Variants in MLXIPL observed in about 807,000 individuals in gnomAD.
The protein encoded by MLXIPL is MLX interacting protein like.
A neutral mutation model predicts 81.5 loss-of-function variants in MLXIPL; 49 were observed. The observed-to-expected ratio is 0.60, with a 90% confidence interval of 0.48 to 0.76. The LOEUF (loss-of-function observed/expected upper bound fraction) is 0.76. Ranked by LOEUF, MLXIPL falls within the 30% of genes least tolerant of loss-of-function variation. The pLI is 0.00. For synonymous variants in MLXIPL, 466 were observed against 485.5 expected (o/e 0.96, Z 0.53); for missense variants, 1,053 against 1,167.0 (o/e 0.90, Z 1.42).
intron 1 of MLXIPL, among the ~76,000 whole-genome samples, chr7:73,620,238 T>C (rs555341120): frequency 9.3e-5 from 14 of 150,978 alleles, no homozygotes; most frequent in Non-Finnish European, 2.1e-4. Context: ...ACCCCGTCTC[T>C]ACTAAAAATA....
chr7:73,599,538 G>A lies in MLXIPL; in HGVS notation c.1059C>T (p.His353=). 1 of 1,613,072 alleles carries A rather than the reference G, an allele frequency of 6.2e-7. No individual in the cohort carries two copies. Among genetic ancestry groups the A allele is most frequent in the Non-Finnish European group, 8.5e-7 (1 of 1,179,770 alleles). ...GGGGTGAGCTCACCTGCAGACGGCTGTGTCCAGAGAGGTGGGTCATGGCCG... is the reference window on the plus strand; with the variant it reads ...GGGGTGAGCTCACCTGCAGACGGCTATGTCCAGAGAGGTGGGTCATGGCCG... The part of the protein sequence containing the change: ...ASSAMTHLSG[H]SRLQARNSCP... Residue 353 remains histidine (H), a synonymous_variant, in exon 8 of 17, where the codon CAC becomes CAT. Transcript: ENST00000313375.
At chr7:73,647,624 T>A in the MLXIPL span, among the ~76,000 whole-genome samples, 2 of 152,162 alleles carry the variant, frequency 1.3e-5, no homozygotes, top group Non-Finnish European at 2.9e-5. Context: ...GGAGGCCACA[T>A]AAGCCTATGA....
At chr7:73,641,828 G>T in the MLXIPL span, among the ~76,000 whole-genome samples, 8 of 152,070 alleles carry the variant, frequency 5.3e-5, no homozygotes, top group Admixed American at 4.6e-4. Flanking sequence ...TAGAGATGGG[G>T]TTTCACCATG....
chr7:73,632,748 TTCC>T, the MLXIPL span, among the ~76,000 whole-genome samples: 1 of 40,482 alleles, frequency 2.5e-5, no homozygotes, highest in African/African-American at 1.3e-4. Context: ...CCTTCTTTCC[TTCC>T]TTCCTTCCTT....
intron 16 of MLXIPL, 144 bp from the exon 17 acceptor site, chr7:73,594,127 G>A (rs545868654): frequency 2.5e-5 from 35 of 1,414,070 alleles, no homozygotes; most frequent in Non-Finnish European, 3.3e-5. Flanking sequence ...GGCGTCTGGT[G>A]GCCAGAGGAC....
At chr7:73,631,758 C>CCT in the MLXIPL span, among the ~76,000 whole-genome samples, 1 of 145,890 alleles carries the variant, frequency 6.9e-6, no homozygotes, top group East Asian at 2.2e-4. Context: ...TCCCCTTCTC[C>CCT]CTCTCTCCCT....
chr7:73,626,747 G>T (rs1796762237), upstream of MLXIPL, among the ~76,000 whole-genome samples: 1 of 152,190 alleles, frequency 6.6e-6, no homozygotes, highest in South Asian at 2.1e-4. Flanking sequence ...TTTCCCCCAA[G>T]GATGTCCCTA....
intron 1 of MLXIPL, among the ~76,000 whole-genome samples, chr7:73,622,395 A>G (rs1554602478): frequency 6.6e-6 from 1 of 151,944 alleles, no homozygotes; most frequent in Non-Finnish European, 1.5e-5. Flanking sequence ...AGGCTGAGGC[A>G]GGAGATTCTC....
intron 1 of MLXIPL, among the ~76,000 whole-genome samples, 197 bp downstream of exon 1, chr7:73,624,003 G>A (rs992968128): frequency 6.6e-6 from 1 of 152,048 alleles, no homozygotes; most frequent in African/African-American, 2.4e-5. Context: ...GTCCGTCAGG[G>A]GCCAGCGGGC....
chr7:73,605,599 G>C, intron 7 of MLXIPL, 89 bp downstream of exon 7: 1 of 1,167,156 alleles, frequency 8.6e-7, no homozygotes, highest in Non-Finnish European at 1.3e-6. Context: ...CAGACTATCA[G>C]CCCTCCCAGA....
Position 73,602,155 on chromosome 7 carries a change from C to CCTTCCTTCCTTCCTTCCTTT in MLXIPL, c.902-2461_902-2460insAAAGGAAGGAAGGAAGGAAG, listed in dbSNP as rs1584097230. Among the ~76,000 whole-genome samples, 4 of 148,532 alleles carry CCTTCCTTCCTTCCTTCCTTT rather than the reference C, an allele frequency of 2.7e-5. No homozygotes were observed. The East Asian group carries it at 8.0e-4, about 30-fold the overall frequency. ...GCCTTCCTTCCTTCCTTCCTTCCTT[C>CCTTCCTTCCTTCCTTCCTTT]CTTCCTTCCTTTCTTTCCCTCTCTC... is the stretch of plus-strand genomic sequence containing the variant. On this transcript the variant is annotated intron_variant, in intron 7 of 16. Coordinates refer to ENST00000313375, the MANE Select transcript of MLXIPL (RefSeq NM_032951.3).
Position 73,605,715 on chromosome 7 carries a change from T to A in MLXIPL, c.874A>T (p.Ser292Cys), listed in dbSNP as rs6948907. 4.3e-6 allele frequency: 7 copies of A among 1,613,650 alleles called. No homozygotes were observed. The African/African-American group carries it at 8.0e-5, about 18-fold the overall frequency. ...GAGATGTCCATGAAGTCATCCAGGC[T>A]TGGCTGCAGTGGCGTCAGGTCCGGC... is the stretch of plus-strand genomic sequence containing the variant. The part of the protein sequence containing the change: ...IQPDLTPLQP[S>C]LDDFMDISDF... The change falls in exon 7 of 17, where the codon AGC (serine) becomes TGC (cysteine). Residue 292 changes from serine (S) to cysteine (C), a missense_variant. Ser to Cys is a moderately radical substitution (Grantham distance 112). This residue lies in a region of MLXIPL where 823 missense variants were observed against 933.0 expected (regional missense o/e 0.88). Coordinates refer to ENST00000313375, the MANE Select transcript of MLXIPL (RefSeq NM_032951.3).
At chr7:73,600,021 G>T (rs1554595587) in intron 7 of MLXIPL, among the ~76,000 whole-genome samples, 1 of 152,012 alleles carries the variant, frequency 6.6e-6, no homozygotes, top group East Asian at 2.0e-4. Context: ...CCCCCTGGTG[G>T]CTCCCCTTCC....
At chr7:73,626,640 A>C (rs1202433516), upstream of MLXIPL, among the ~76,000 whole-genome samples, 31 of 152,258 alleles carry the variant, frequency 2.0e-4, no homozygotes, top group Middle Eastern at 6.8e-3. Flanking sequence ...CGTTTAACTA[A>C]CAGCCTCAAA....
the MLXIPL span, among the ~76,000 whole-genome samples, chr7:73,634,941 G>A: frequency 3.9e-4 from 59 of 150,248 alleles, no homozygotes; most frequent in Non-Finnish European, 7.4e-4. Context: ...TCAGCCTCCC[G>A]AGTAGCTGGG....
At chr7:73,616,252 A>G in intron 1 of MLXIPL, 75 bp from the exon 2 acceptor site, 1 of 1,280,286 alleles carries the variant, frequency 7.8e-7, no homozygotes, top group Non-Finnish European at 1.1e-6. Flanking sequence ...TTCCCCATGC[A>G]CTAGGCATCC....
the MLXIPL span, among the ~76,000 whole-genome samples, chr7:73,646,449 G>A: frequency 6.6e-6 from 1 of 152,144 alleles, no homozygotes; most frequent in African/African-American, 2.4e-5. Flanking sequence ...GACACCAGGC[G>A]GATGCTTCCT....
chr7:73,598,944 C>T (rs1288285788), intron 8 of MLXIPL, among the ~76,000 whole-genome samples: 1 of 151,816 alleles, frequency 6.6e-6, no homozygotes, highest in Non-Finnish European at 1.5e-5. Flanking sequence ...CATGGTGAAA[C>T]CCTGTCTCTA....
intron 1 of MLXIPL, among the ~76,000 whole-genome samples, chr7:73,621,744 TCTCC>T (rs1217634667): frequency 1.0e-3 from 52 of 51,540 alleles, no homozygotes; most frequent in African/African-American, 1.2e-3. Context: ...CCTCCCTCCA[TCTCC>T]CTCCCTCCCT....
Sources: gnomAD v4.1 joint callset for allele counts (sites outside exome capture counted in the v4.1 genomes callset) on GRCh38, gnomAD v4.1.1 for gene constraint, gnomAD v4.1.1 regional missense constraint, MANE v1.5 for transcripts, NCBI Gene and HGNC (gene_info 2026-07-23, HGNC 2026-07-21) for gene names.